The following ABHD16A variants were observed in gnomAD, a reference collection of about 807,000 sequenced individuals.
ABHD16A encodes the protein abhydrolase domain containing 16A, phospholipase, also known as phosphatidylserine lipase ABHD16A.
A neutral mutation model predicts 89.8 loss-of-function variants in ABHD16A; 47 were observed. The observed-to-expected ratio is 0.52, with a 90% CI of 0.41 to 0.67. The LOEUF is 0.67. Ranked by LOEUF, ABHD16A falls within the 30% of genes least tolerant of loss-of-function variation. The probability of loss-of-function intolerance (pLI) is 0.00; values close to 1 mark genes in which losing one functional copy is unlikely to be tolerated. For synonymous variants in ABHD16A, 251 were observed against 280.4 expected, an observed-to-expected ratio of 0.90 and a Z score of 1.05; for missense variants, 580 against 734.6, an observed-to-expected ratio of 0.79 and a Z score of 2.43.
chr6:31,697,820 G>C (rs528526144), intron 4 of ABHD16A, among the ~76,000 whole-genome samples: 1 of 152,186 alleles, frequency 6.6e-6, no homozygotes, highest in Non-Finnish European at 1.5e-5. Context: ...TCGTGTGTCA[G>C]ACAGGCACCG....
chr6:31,702,564 A>C, intron 1 of ABHD16A: 3 of 1,411,088 alleles, frequency 2.1e-6, no homozygotes, highest in Non-Finnish European at 2.8e-6. Context: ...AGACAGTAAC[A>C]CAATGAGACA....
chr6:31,694,146 C>G (rs1390349953), intron 5 of ABHD16A, among the ~76,000 whole-genome samples: 1 of 151,860 alleles, frequency 6.6e-6, no homozygotes, highest in Admixed American at 6.6e-5. Flanking sequence ...GCCTCAAACT[C>G]CCAGGCCCAA....
Position 31,693,515 on chromosome 6 carries a change from C to G in ABHD16A, c.430-83G>C. On this transcript the variant is annotated intron_variant, in intron 5 of 19. Transcript: ENST00000395952. The surrounding 1 kb of genome is among the most constrained non-coding windows in gnomAD (Gnocchi z 5.0). ...CACCCTCAACAACACCTTCGTTATC[C>G]AGGGGTCTGATCCCCACACATCATG... 7.5e-7 allele frequency: 1 copy of G among 1,336,834 alleles called. No homozygotes were observed. Among genetic ancestry groups the G allele is most frequent in the Admixed American group, 1.8e-5 (1 of 54,850 alleles). The allele number at this position is 1,336,834 out of a possible 1,614,324, so 82.8% of individuals were successfully genotyped here.
rs577246897 is a variant in ABHD16A, at chr6:31,698,830, G to T, written c.344-1797C>A. 6.6e-6 allele frequency among the ~76,000 whole-genome samples: 1 copy of T among 151,962 alleles called. No individual in the cohort carries two copies. The highest frequency in any genetic ancestry group is 1.5e-5 in the Non-Finnish European group (1 of 67,974). Reference sequence around the variant, plus strand: ...GGCAGAAGGTCCTGGACCCAACTGCGACCATCCAGCCCTGACCCCACCACC... The same window carrying T: ...GGCAGAAGGTCCTGGACCCAACTGCTACCATCCAGCCCTGACCCCACCACC... On this transcript the variant is annotated intron_variant, in intron 4 of 19. Transcript: ENST00000395952. The surrounding 1 kb of genome is among the most constrained non-coding windows in gnomAD (Gnocchi z 4.1).
chr6:31,702,667 C>A (rs1356301524), intron 1 of ABHD16A: 6 of 1,541,734 alleles, frequency 3.9e-6, no homozygotes, highest in Non-Finnish European at 5.2e-6. Flanking sequence ...CTAGGTTGGG[C>A]GGGGGTTGAG....
At chr6:31,699,421 A>G (rs193092687) in intron 4 of ABHD16A, among the ~76,000 whole-genome samples, 2 of 151,462 alleles carry the variant, frequency 1.3e-5, no homozygotes, top group Non-Finnish European at 2.9e-5. Context: ...AAAAAAAAAA[A>G]AAAAAAAAGA....
chr6:31,687,495 C>T lies in ABHD16A; in HGVS notation c.1593+3G>A. On this transcript the variant is annotated splice_donor_region_variant and intron_variant, in intron 19 of 19. Coordinates refer to ENST00000395952, the MANE Select transcript of ABHD16A (RefSeq NM_021160.3). The surrounding 1 kb of genome is among the most constrained non-coding windows in gnomAD (Gnocchi z 6.3). The stretch of plus-strand genomic sequence containing the variant: ...CCTTCCCACTTCCCACTCCTTAGCT[C>T]ACCAGAAACAAAGCCAGCTGCCGCC... 1 of 1,613,072 alleles carries T rather than the reference C, an allele frequency of 6.2e-7. No homozygotes were observed. The highest frequency in any genetic ancestry group is 8.5e-7 in the Non-Finnish European group (1 of 1,179,998).
At chr6:31,691,361 CTATTAA>C in intron 9 of ABHD16A, 1 of 550,042 alleles carries the variant, frequency 1.8e-6, no homozygotes, top group South Asian at 2.6e-5. Context: ...AAAGTGGTAA[CTATTAA>C]TATTAGTTTC....
chr6:31,694,758 G>A (rs1562108540), intron 5 of ABHD16A, among the ~76,000 whole-genome samples: 1 of 151,906 alleles, frequency 6.6e-6, no homozygotes, highest in Non-Finnish European at 1.5e-5. Context: ...CTATTTTGAG[G>A]GTTTTTATTT....
In ABHD16A at chr6:31,700,797, C is replaced by G. The variant is rs1322772937; in HGVS notation, c.343+145G>C. 6.0e-6 allele frequency: 4 copies of G among 661,490 alleles called. No homozygotes were observed. In the East Asian group the frequency reaches 8.3e-5, roughly 14 times the overall value. 41.0% of individuals were successfully genotyped at this position (661,490 alleles called of 1,614,324 possible). ...ATTTTTTCATATTTATAACCCAAGT[C>G]TTTTAAGGAAAAGATCATGCCTTAA... On this transcript the variant is annotated intron_variant, in intron 4 of 19. Transcript: ENST00000395952.
chr6:31,692,202 CATA>C (rs778563625), intron 7 of ABHD16A: 1 of 362,272 alleles, frequency 2.8e-6, no homozygotes, highest in Non-Finnish European at 5.0e-6. Flanking sequence ...ACTGTCTATA[CATA>C]ATAAGTAAAT....
intron 11 of ABHD16A, 95 bp from the exon 12 acceptor site, chr6:31,689,799 C>T: frequency 1.3e-6 from 2 of 1,505,044 alleles, no homozygotes; most frequent in South Asian, 1.3e-5. Flanking sequence ...CCACCTATGA[C>T]AGGCAGAGAA....
chr6:31,702,849 G>A, intron 1 of ABHD16A: 1 of 1,376,850 alleles, frequency 7.3e-7, no homozygotes, highest in Non-Finnish European at 9.4e-7. Context: ...GTCTCTTCCC[G>A]GGACTCAAGA....
intron 1 of ABHD16A, 91 bp from the exon 2 acceptor site, chr6:31,702,221 C>T (rs1805084511): frequency 2.4e-6 from 3 of 1,271,334 alleles, no homozygotes; most frequent in Non-Finnish European, 2.3e-6. Context: ...TCCTCTGGTT[C>T]TAGTCTCGTT....
chr6:31,689,833 G>A (rs1431087616), intron 11 of ABHD16A, 129 bp from the exon 12 acceptor site: 2 of 1,376,150 alleles, frequency 1.5e-6, no homozygotes. Context: ...GGGATGGTAG[G>A]AGAGGTTGTT....
At position 31,692,740 on chromosome 6, in the gene ABHD16A, TCCCCACCCCCA is replaced by T. The variant is rs899409613; in HGVS notation, c.626+276_626+286del. ...CTGCCCTAGCTACAAGTGTGTGTCC[TCCCCACCCCCA>T]CCCCACCCCCACTGCTCCTTTTCAG... On this transcript the variant is annotated intron_variant, in intron 7 of 19. Coordinates refer to ENST00000395952, the MANE Select transcript of ABHD16A (RefSeq NM_021160.3). The T allele has an allele frequency of 9.3e-6, 3 of 323,936 alleles. 1 individual carries two copies. Among genetic ancestry groups the T allele is most frequent in the African/African-American group, 2.2e-5 (1 of 45,724 alleles). The allele number at this position is 323,936 out of a possible 1,614,324, so 20.1% of individuals were successfully genotyped here. A position where few individuals can be genotyped will look rare whatever the true frequency, so the allele number is the denominator to read the frequency against.
Position 31,693,005 on chromosome 6 carries a change from T to A in ABHD16A, c.626+22A>T. On this transcript the variant is annotated intron_variant, in intron 7 of 19. Transcript: ENST00000395952. This position sits in a 1 kb window ranked among gnomAD's most constrained non-coding sequence, Gnocchi z 5.0. ...AATGGCCCCTCCACCCCAGTGGGCC[T>A]CTCCTCGCTGCTGTTTCCCACCTGG... 1 of 1,614,146 alleles carries A rather than the reference T, an allele frequency of 6.2e-7. No homozygotes were observed.
rs1029812510 is a variant in ABHD16A, at chr6:31,688,280, G to A, written c.1276C>T (p.Arg426Trp). 11 of 1,614,096 alleles carry A rather than the reference G, an allele frequency of 6.8e-6. No homozygotes were observed. The highest frequency in any genetic ancestry group is 1.1e-5 in the South Asian group (1 of 91,078). The part of the protein sequence containing the change: ...CRYQGPVLLI[R>W]RTKDEIITTT... ...GTGATGATCTCATCCTTGGTTCTCC[G>A]GATCAGCAGTACAGGACCCTGGTAT... is the stretch of plus-strand genomic sequence containing the variant. The change falls in exon 15 of 20, where the codon CGG (arginine) becomes TGG (tryptophan). Residue 426 changes from arginine (R) to tryptophan (W), a missense_variant. Transcript: ENST00000395952. This position sits in a 1 kb window ranked among gnomAD's most constrained non-coding sequence, Gnocchi z 4.9.
chr6:31,702,955 G>A (rs1051789858), intron 1 of ABHD16A, 195 bp downstream of exon 1: 1 of 1,297,874 alleles, frequency 7.7e-7, no homozygotes, highest in Non-Finnish European at 9.8e-7. Flanking sequence ...AAGCGGTAAA[G>A]AGCGAAAAAG....
Sources: gnomAD v4.1 joint callset for allele counts (sites outside exome capture counted in the v4.1 genomes callset) on GRCh38, gnomAD v4.1.1 for gene constraint, Gnocchi (gnomAD v3.1) non-coding constraint, MANE v1.5 for transcripts, NCBI Gene and HGNC (gene_info 2026-07-23, HGNC 2026-07-21) for gene names.